EFCAB5: variants seen among roughly 807,000 people sequenced by gnomAD.
EFCAB5 encodes the protein EF-hand calcium binding domain 5.
In EFCAB5, 131 loss-of-function variants were observed where a neutral mutation model predicts 167.9. The observed-to-expected ratio is 0.78, with a 90% CI of 0.68 to 0.90. The LOEUF (loss-of-function observed/expected upper bound fraction) is 0.90. EFCAB5 is among the 40% of genes least tolerant of loss of function. EFCAB5 has a pLI of 0.00. For synonymous variants in EFCAB5, 574 were observed against 602.8 expected, an observed-to-expected ratio of 0.95 and a Z score of 0.70; for missense variants, 1,663 against 1,745.2, an observed-to-expected ratio of 0.95 and a Z score of 0.84.
chr17:30,064,512 C>T (rs570863793), intron 14 of EFCAB5, among the ~76,000 whole-genome samples: 1 of 152,038 alleles, frequency 6.6e-6, no homozygotes. Flanking sequence ...GTGAAGAAAG[C>T]CTACAATTAT....
At chr17:30,004,966 C>T (rs979359347) in intron 7 of EFCAB5, among the ~76,000 whole-genome samples, 13 of 151,830 alleles carry the variant, frequency 8.6e-5, no homozygotes, top group Non-Finnish European at 1.6e-4. Flanking sequence ...ACTTTCCAGC[C>T]TCTAGAGCTG....
chr17:30,051,848 C>G (rs2070107626), intron 9 of EFCAB5, among the ~76,000 whole-genome samples: 1 of 152,126 alleles, frequency 6.6e-6, no homozygotes, highest in African/African-American at 2.4e-5. Context: ...TTTTAATGCC[C>G]AACTTAAAAT....
chr17:30,055,406 G>A (rs1357261610), intron 10 of EFCAB5, among the ~76,000 whole-genome samples: 3 of 152,008 alleles, frequency 2.0e-5, no homozygotes, highest in Non-Finnish European at 4.4e-5. Flanking sequence ...ACTTAGTAAG[G>A]AAAGAAAGAA....
chr17:29,989,824 C>T (rs1455912966), intron 4 of EFCAB5, among the ~76,000 whole-genome samples: 1 of 152,168 alleles, frequency 6.6e-6, no homozygotes, highest in Admixed American at 6.5e-5. Flanking sequence ...TATCTGTTAA[C>T]CATTTTAAAG....
At chr17:29,972,799 C>T (rs1463745285) in intron 4 of EFCAB5, 3 of 221,848 alleles carry the variant, frequency 1.4e-5, no homozygotes, top group Admixed American at 1.2e-4. Flanking sequence ...CCCTCCTTAG[C>T]TATGTGAGCT....
At chr17:29,981,372 C>T (rs1567693385) in intron 4 of EFCAB5, among the ~76,000 whole-genome samples, 1 of 152,180 alleles carries the variant, frequency 6.6e-6, no homozygotes, top group Non-Finnish European at 1.5e-5. Flanking sequence ...AGGGTCTTCA[C>T]ATATGCCATT....
At chr17:29,995,299 A>G (rs1456400989) in intron 5 of EFCAB5, among the ~76,000 whole-genome samples, 1 of 152,140 alleles carries the variant, frequency 6.6e-6, no homozygotes, top group African/African-American at 2.4e-5. Flanking sequence ...GAACACTCTT[A>G]TAGTAAACAG....
chr17:29,980,183 C>A (rs1243501178), intron 4 of EFCAB5, among the ~76,000 whole-genome samples: 1 of 152,046 alleles, frequency 6.6e-6, no homozygotes, highest in African/African-American at 2.4e-5. Context: ...AACAAACAAA[C>A]AAAACTTAAA....
At chr17:30,023,835 G>T (rs1363254635) in intron 7 of EFCAB5, among the ~76,000 whole-genome samples, 1 of 152,144 alleles carries the variant, frequency 6.6e-6, no homozygotes, top group African/African-American at 2.4e-5. Context: ...TATCCACCAT[G>T]ATCAAGTGAG....
At chr17:30,100,767 A>G (rs1409005599) in intron 22 of EFCAB5, among the ~76,000 whole-genome samples, 1 of 150,426 alleles carries the variant, frequency 6.6e-6, no homozygotes, top group African/African-American at 2.4e-5. Context: ...ACTCCGTTCA[A>G]AAAAAAAAAG....
chr17:30,097,940 T>C (rs933686393), intron 22 of EFCAB5, among the ~76,000 whole-genome samples: 1 of 152,106 alleles, frequency 6.6e-6, no homozygotes, highest in Non-Finnish European at 1.5e-5. Context: ...GTTTTTGTTT[T>C]GTTTTGTGTT....
intron 3 of EFCAB5, among the ~76,000 whole-genome samples, chr17:29,954,668 G>A (rs1047491242): frequency 1.3e-5 from 2 of 152,246 alleles, no homozygotes; most frequent in African/African-American, 2.4e-5. Context: ...CCCACGCAGA[G>A]TCCCTGCTGG....
At chr17:30,078,765 C>G (rs1476986077) in intron 15 of EFCAB5, among the ~76,000 whole-genome samples, 1 of 152,182 alleles carries the variant, frequency 6.6e-6, no homozygotes, top group African/African-American at 2.4e-5. Flanking sequence ...TTTCTAATTT[C>G]ATTTCTGCTA....
chr17:30,069,353 A>C, intron 14 of EFCAB5: 1 of 1,557,858 alleles, frequency 6.4e-7, no homozygotes, highest in Non-Finnish European at 8.9e-7. Flanking sequence ...TCAGCGACTA[A>C]TTGGTGAAAT....
At chr17:30,096,881 T>G (rs998014724) in intron 22 of EFCAB5, among the ~76,000 whole-genome samples, 3 of 147,804 alleles carry the variant, frequency 2.0e-5, no homozygotes, top group Non-Finnish European at 4.5e-5. Context: ...GGTTGCACCA[T>G]GTTGACCAGG....
chr17:29,982,503 G>A (rs1186131722), intron 4 of EFCAB5, among the ~76,000 whole-genome samples: 2 of 152,180 alleles, frequency 1.3e-5, no homozygotes. Context: ...CCAGGCAAAG[G>A]AATATACACC....
At chr17:30,001,055 C>T (rs891055975) in intron 7 of EFCAB5, among the ~76,000 whole-genome samples, 1 of 152,214 alleles carries the variant, frequency 6.6e-6, no homozygotes, top group Non-Finnish European at 1.5e-5. Flanking sequence ...TCGTGGCTTG[C>T]ATTTCTGGAA....
chr17:30,032,805 T>C (rs1318098504), intron 7 of EFCAB5, among the ~76,000 whole-genome samples: 1 of 152,144 alleles, frequency 6.6e-6, no homozygotes, highest in African/African-American at 2.4e-5. Context: ...CTAACCTATC[T>C]TATGTCAATT....
chr17:30,091,462 G>A (rs1202587374), intron 20 of EFCAB5, among the ~76,000 whole-genome samples: 1 of 152,218 alleles, frequency 6.6e-6, no homozygotes, highest in Non-Finnish European at 1.5e-5. Flanking sequence ...TGTTCACTAT[G>A]TGTAACGCCT....
Sources: allele counts gnomAD v4.1 joint callset (sites outside exome capture counted in the v4.1 genomes callset), GRCh38; gene constraint gnomAD v4.1.1; transcripts MANE v1.5; gene names NCBI Gene and HGNC (gene_info 2026-07-23, HGNC 2026-07-21).